MAP1B: variants seen among roughly 807,000 people sequenced by gnomAD.
MAP1B encodes the protein microtubule associated protein 1B, also known as microtubule-associated protein 1B.
Under a neutral mutation model 176.1 loss-of-function variants are expected in MAP1B, and 12 were observed. The ratio of observed to expected loss-of-function variants is 0.07; its 90% CI spans 0.04 to 0.11. MAP1B has a LOEUF of 0.11. Among genes scored for constraint, MAP1B ranks in the 10% least tolerant of loss-of-function variants. The probability of loss-of-function intolerance (pLI) is 1.00; values close to 1 mark genes in which losing one functional copy is unlikely to be tolerated. For synonymous variants in MAP1B, 1,044 were observed against 1,135.0 expected (o/e 0.92, Z 1.61); for missense variants, 2,523 against 2,990.5 (o/e 0.84, Z 3.65).
At chr5:72,125,798 T>C (rs755790512) in intron 2 of MAP1B, among the ~76,000 whole-genome samples, 9 of 152,346 alleles carry the variant, frequency 5.9e-5, no homozygotes, top group South Asian at 2.1e-4. Flanking sequence ...GAATCCAGCC[T>C]GAATTAAAAT....
At chr5:72,176,008 G>A (rs1746646403) in intron 2 of MAP1B, among the ~76,000 whole-genome samples, 1 of 152,348 alleles carries the variant, frequency 6.6e-6, no homozygotes, top group South Asian at 2.1e-4. Context: ...GAGAGCCATA[G>A]ATTCAGGAAC....
intron 2 of MAP1B, among the ~76,000 whole-genome samples, chr5:72,139,597 G>T (rs1340023548): frequency 6.6e-6 from 1 of 152,172 alleles, no homozygotes; most frequent in African/African-American, 2.4e-5. Context: ...TGGTTCAGTC[G>T]TTTTTTAATA....
rs1036158195 is a variant in MAP1B, at chr5:72,204,601, C to T, written c.7252-483C>T. On this transcript the variant is annotated intron_variant, in intron 6 of 6. Coordinates refer to ENST00000296755, the MANE Select transcript of MAP1B (RefSeq NM_005909.5). The surrounding 1 kb of genome is among the most constrained non-coding windows in gnomAD (Gnocchi z 4.4). Reference sequence around the variant, plus strand: ...TTTATACTATTCAGGACATTACTTACCCACCCCATACCTCCATCCCCAACC... The same window carrying T: ...TTTATACTATTCAGGACATTACTTATCCACCCCATACCTCCATCCCCAACC... 6.6e-6 allele frequency among the ~76,000 whole-genome samples: 1 copy of T among 152,196 alleles called. No individual in the cohort carries two copies. The highest frequency in any genetic ancestry group is 6.5e-5 in the Admixed American group (1 of 15,290).
intron 5 of MAP1B, 116 bp from the exon 6 acceptor site, chr5:72,203,447 C>A: frequency 1.3e-6 from 1 of 771,944 alleles, no homozygotes; most frequent in Non-Finnish European, 2.3e-6. Context: ...TTGCATGTCT[C>A]AGAGGACCTA....
At chr5:72,146,309 C>T (rs888243144) in intron 2 of MAP1B, among the ~76,000 whole-genome samples, 10 of 152,178 alleles carry the variant, frequency 6.6e-5, no homozygotes, top group Admixed American at 1.3e-4. Flanking sequence ...TAATGTCAGG[C>T]AGGCCACCTT....
At chr5:72,118,554 C>A (rs1257504463) in intron 2 of MAP1B, among the ~76,000 whole-genome samples, 1 of 152,040 alleles carries the variant, frequency 6.6e-6, no homozygotes, top group Non-Finnish European at 1.5e-5. Context: ...CATATACAGA[C>A]CAACATAAAA....
intron 5 of MAP1B, among the ~76,000 whole-genome samples, chr5:72,201,790 G>C (rs1015945783): frequency 2.0e-5 from 3 of 152,144 alleles, no homozygotes; most frequent in African/African-American, 7.2e-5. Context: ...AAACAATATG[G>C]AGTATCAATT....
chr5:72,119,480 T>C (rs1490960884), intron 2 of MAP1B, among the ~76,000 whole-genome samples: 1 of 152,230 alleles, frequency 6.6e-6, no homozygotes, highest in Non-Finnish European at 1.5e-5. Context: ...GTTGAGTCTT[T>C]TCAAAATAGA....
At chr5:72,119,154 C>T (rs569340221) in intron 2 of MAP1B, among the ~76,000 whole-genome samples, 2 of 151,386 alleles carry the variant, frequency 1.3e-5, no homozygotes, top group Non-Finnish European at 3.0e-5. Flanking sequence ...TGGTGGGTGC[C>T]TCAGTTCCCC....
rs370793285 is a variant in MAP1B, at chr5:72,196,766, T to C, written c.3411T>C (p.Ser1137=). The change falls in exon 5 of 7, where the codon TCT becomes TCC. Residue 1137 remains serine, a synonymous_variant. Transcript: ENST00000296755. The surrounding 1 kb of genome is among the most constrained non-coding windows in gnomAD (Gnocchi z 5.3). The part of the protein sequence containing the change: ...SSEPTPMDEM[S]TPRDVMSDET... ...AGCCCACCCCCATGGATGAGATGTC[T>C]ACCCCTCGAGACGTGATGAGTGATG... is the stretch of plus-strand genomic sequence containing the variant. 9 of 1,614,126 alleles carry C rather than the reference T, an allele frequency of 5.6e-6. No individual in the cohort carries two copies. In the African/African-American group the frequency reaches 9.3e-5, roughly 17 times the overall value.
At chr5:72,159,823 A>G (rs148356770) in intron 2 of MAP1B, among the ~76,000 whole-genome samples, 2 of 152,314 alleles carry the variant, frequency 1.3e-5, no homozygotes, top group East Asian at 3.9e-4. Context: ...AAAGGAAATG[A>G]CTTTCCATGA....
intron 2 of MAP1B, among the ~76,000 whole-genome samples, chr5:72,178,060 T>C (rs989256746): frequency 1.3e-5 from 2 of 152,196 alleles, no homozygotes; most frequent in African/African-American, 4.8e-5. Flanking sequence ...CGGAGTGCAA[T>C]GGCATGATCT....
intron 2 of MAP1B, among the ~76,000 whole-genome samples, chr5:72,147,317 A>T (rs1746063834): frequency 6.6e-6 from 1 of 151,920 alleles, no homozygotes; most frequent in South Asian, 2.1e-4. Flanking sequence ...TAGAACCAAG[A>T]TGTCACCTTT....
chr5:72,116,337 C>A (rs916885501), intron 2 of MAP1B: 2 of 308,304 alleles, frequency 6.5e-6, no homozygotes, highest in Non-Finnish European at 6.3e-6. Context: ...CATTATCACC[C>A]GCCATTGCAT....
At position 72,186,546 on chromosome 5, in the gene MAP1B, C is replaced by G; in HGVS notation, c.370-68C>G. On this transcript the variant is annotated intron_variant, in intron 3 of 6. Transcript: ENST00000296755. This position sits in a 1 kb window ranked among gnomAD's most constrained non-coding sequence, Gnocchi z 4.3. The stretch of plus-strand genomic sequence containing the variant: ...AAACTCCCATGGCTCCGAAGGCTAG[C>G]CCTGTCCTGAAGGTGGGATGGCAGC... 1 of 1,580,482 alleles carries G rather than the reference C, an allele frequency of 6.3e-7. No homozygotes were observed. Among genetic ancestry groups the G allele is most frequent in the Non-Finnish European group, 8.6e-7 (1 of 1,158,110 alleles).
At chr5:72,203,252 T>C (rs1747370069) in intron 5 of MAP1B, among the ~76,000 whole-genome samples, 1 of 152,222 alleles carries the variant, frequency 6.6e-6, no homozygotes. Flanking sequence ...GTATTATATC[T>C]AGTGCCATCT....
intron 2 of MAP1B, among the ~76,000 whole-genome samples, chr5:72,174,125 T>G (rs2112198128): frequency 6.6e-6 from 1 of 152,300 alleles, no homozygotes; most frequent in East Asian, 1.9e-4. Flanking sequence ...GCGAGAAACC[T>G]CGTCTCAAAA....
At chr5:72,184,257 C>T (rs1331357849) in intron 3 of MAP1B, among the ~76,000 whole-genome samples, 1 of 152,200 alleles carries the variant, frequency 6.6e-6, no homozygotes, top group Non-Finnish European at 1.5e-5. Flanking sequence ...CTCTCCTGCA[C>T]ACTCCTATCG....
At chr5:72,158,744 C>G (rs1048040743) in intron 2 of MAP1B, among the ~76,000 whole-genome samples, 1 of 152,090 alleles carries the variant, frequency 6.6e-6, no homozygotes, top group Non-Finnish European at 1.5e-5. Flanking sequence ...TTCTAAGACT[C>G]GTATGTGGTG....
Sources: allele counts gnomAD v4.1 joint callset (sites outside exome capture counted in the v4.1 genomes callset), GRCh38; gene constraint gnomAD v4.1.1; non-coding constraint Gnocchi (gnomAD v3.1); transcripts MANE v1.5; gene names NCBI Gene and HGNC (gene_info 2026-07-23, HGNC 2026-07-21).